Variants in PCMTD1 observed in about 807,000 individuals in gnomAD.
The protein encoded by PCMTD1 is protein-L-isoaspartate O-methyltransferase domain-containing protein 1.
Under a neutral mutation model 37.6 loss-of-function variants are expected in PCMTD1, and 12 were observed. The ratio of observed to expected loss-of-function variants is 0.32; its 90% CI spans 0.20 to 0.52. The LOEUF is 0.52. Ranked by LOEUF, PCMTD1 falls within the 20% of genes least tolerant of loss-of-function variation. The pLI is 0.97. For missense variants in PCMTD1, 235 were observed against 421.3 expected, an observed-to-expected ratio of 0.56 and a Z score of 3.87; for synonymous variants, 117 against 135.8, an observed-to-expected ratio of 0.86 and a Z score of 0.96.
intron 1 of PCMTD1, among the ~76,000 whole-genome samples, chr8:51,865,309 C>G (rs1189601036): frequency 6.6e-6 from 1 of 152,072 alleles, no homozygotes; most frequent in African/African-American, 2.4e-5. Flanking sequence ...GAAGAGAATA[C>G]CTACAAACTC....
chr8:51,852,627 C>T (rs768507037), intron 2 of PCMTD1, among the ~76,000 whole-genome samples: 11 of 152,038 alleles, frequency 7.2e-5, no homozygotes, highest in Non-Finnish European at 1.2e-4. Flanking sequence ...ATAAAGTTAT[C>T]GTCAAAGTGG....
At chr8:51,842,100 T>C (rs2038155062) in intron 3 of PCMTD1, among the ~76,000 whole-genome samples, 1 of 152,142 alleles carries the variant, frequency 6.6e-6, no homozygotes, top group South Asian at 2.1e-4. Flanking sequence ...TAAGAGAATT[T>C]CAGTGAATTT....
At chr8:51,876,871 T>C (rs1232568010) in intron 1 of PCMTD1, among the ~76,000 whole-genome samples, 1 of 152,114 alleles carries the variant, frequency 6.6e-6, no homozygotes, top group African/African-American at 2.4e-5. Flanking sequence ...GTAGAAGAAA[T>C]AATGGTGTTA....
chr8:51,846,379 G>A (rs1217254413), intron 2 of PCMTD1, among the ~76,000 whole-genome samples: 2 of 152,126 alleles, frequency 1.3e-5, no homozygotes, highest in Admixed American at 6.5e-5. Flanking sequence ...CAGGAAAAGG[G>A]GAATGAATAG....
At chr8:51,860,794 A>C (rs1199165679) in intron 2 of PCMTD1, 51 bp downstream of exon 2, 10 of 1,408,992 alleles carry the variant, frequency 7.1e-6, no homozygotes, top group Non-Finnish European at 8.6e-6. Flanking sequence ...CATAAACCAT[A>C]ATACAAAATG....
intron 1 of PCMTD1, among the ~76,000 whole-genome samples, chr8:51,887,774 G>A (rs890470338): frequency 7.9e-6 from 1 of 127,346 alleles, no homozygotes; most frequent in African/African-American, 2.8e-5. Context: ...ACAGAGTCTT[G>A]CTCTGTCACC....
intron 2 of PCMTD1, among the ~76,000 whole-genome samples, chr8:51,854,134 T>A (rs757844272): frequency 7.2e-5 from 11 of 152,154 alleles, no homozygotes; most frequent in Non-Finnish European, 1.3e-4. Flanking sequence ...ACTGGAGAAA[T>A]TTCTTCCTAA....
chr8:51,821,924 A>T (rs1426122143), intron 5 of PCMTD1, among the ~76,000 whole-genome samples: 1 of 152,136 alleles, frequency 6.6e-6, no homozygotes, highest in Non-Finnish European at 1.5e-5. Context: ...TTTAGTACAG[A>T]TGGGGTTTCA....
intron 3 of PCMTD1, among the ~76,000 whole-genome samples, chr8:51,836,828 C>A (rs1287022175): frequency 6.6e-6 from 1 of 152,172 alleles, no homozygotes; most frequent in Non-Finnish European, 1.5e-5. Flanking sequence ...CCCACTCCAG[C>A]CTCCCAAAAT....
At chr8:51,844,703 G>A (rs1232975284) in intron 3 of PCMTD1, 1 of 152,194 alleles carries the variant, frequency 6.6e-6, no homozygotes, top group African/African-American at 2.4e-5. Context: ...TATTCACAAG[G>A]TTTTTTAGCT....
intron 2 of PCMTD1, among the ~76,000 whole-genome samples, chr8:51,846,377 G>C (rs950350834): frequency 5.9e-5 from 9 of 152,156 alleles, no homozygotes; most frequent in African/African-American, 2.2e-4. Context: ...CCCAGGAAAA[G>C]GGGAATGAAT....
chr8:51,849,722 C>G (rs2038277748), intron 2 of PCMTD1: 1 of 217,494 alleles, frequency 4.6e-6, no homozygotes, highest in Non-Finnish European at 9.1e-6. Flanking sequence ...TGGATCTAAT[C>G]TAGTTCATTT....
intron 1 of PCMTD1, among the ~76,000 whole-genome samples, chr8:51,872,063 G>A (rs1179950508): frequency 2.0e-5 from 3 of 152,164 alleles, no homozygotes; most frequent in Non-Finnish European, 4.4e-5. Flanking sequence ...ACAGTAGATG[G>A]TAGTTCTATG....
intron 3 of PCMTD1, among the ~76,000 whole-genome samples, chr8:51,836,767 T>TA (rs1249829438): frequency 2.0e-5 from 3 of 152,046 alleles, no homozygotes; most frequent in Admixed American, 2.0e-4. Context: ...AGACACAGAG[T>TA]CTTGCTGTGT....
intron 1 of PCMTD1, among the ~76,000 whole-genome samples, chr8:51,888,336 A>G (rs1360564572): frequency 6.6e-6 from 1 of 152,212 alleles, no homozygotes; most frequent in African/African-American, 2.4e-5. Flanking sequence ...CTCAAGAGGG[A>G]GCATCCTTTT....
At chr8:51,832,968 T>C (rs2038017562) in intron 4 of PCMTD1, among the ~76,000 whole-genome samples, 1 of 152,120 alleles carries the variant, frequency 6.6e-6, no homozygotes, top group African/African-American at 2.4e-5. Flanking sequence ...ACCTCAGCCT[T>C]CTGAGTAGCT....
rs538722121 is a variant in PCMTD1 at position 51,895,843 on chromosome 8, A to G, written c.-96+3087T>C. 2.0e-5 allele frequency: 3 copies of G among 152,276 alleles called. No individual in the cohort carries two copies. The South Asian group carries it at 6.2e-4, about 32-fold the overall frequency. The allele number at this position is 152,276 out of a possible 1,614,324, so 9.4% of individuals were successfully genotyped here. The stretch of plus-strand genomic sequence containing the variant: ...CCAATTATCATCCTTAACAATTGCC[A>G]GTAAAATGTCAAAGCTTTTCCTGTA... On this transcript the variant is annotated intron_variant, in intron 1 of 5. Transcript: ENST00000522514.
chr8:51,898,563 A>G (rs922759329), intron 1 of PCMTD1, among the ~76,000 whole-genome samples: 4 of 152,144 alleles, frequency 2.6e-5, no homozygotes, highest in Admixed American at 1.3e-4. Context: ...CTGGTCCCCA[A>G]GCCCAGGTCA....
At position 51,825,642 on chromosome 8, in the gene PCMTD1, C is replaced by T. The variant is rs1316016437; in HGVS notation, c.707-4924G>A. 1.1e-4 allele frequency among the ~76,000 whole-genome samples: 3 copies of T among 26,670 alleles called. 1 individual carries two copies. The highest frequency in any genetic ancestry group is 1.3e-4 in the African/African-American group (3 of 22,852). The allele number at this position is 26,670 out of a possible 152,430, so 17.5% of individuals were successfully genotyped here. ...CCAGGAAGCGGAGCTTGCAGTGAGCCGAGATTGCGCCACTGCAGTCCGCAG... is the reference window on the plus strand; with the variant it reads ...CCAGGAAGCGGAGCTTGCAGTGAGCTGAGATTGCGCCACTGCAGTCCGCAG... On this transcript the variant is annotated intron_variant, in intron 5 of 5. Coordinates refer to ENST00000522514, the MANE Select transcript of PCMTD1 (RefSeq NM_052937.4).
Sources: gnomAD v4.1 joint callset for allele counts (sites outside exome capture counted in the v4.1 genomes callset) on GRCh38, gnomAD v4.1.1 for gene constraint, MANE v1.5 for transcripts, NCBI Gene and HGNC (gene_info 2026-07-23, HGNC 2026-07-21) for gene names.